Variants in COL11A1 observed in about 807,000 individuals in gnomAD.
The protein encoded by COL11A1 is collagen type XI alpha 1 chain, also known as collagen alpha-1(XI) chain.
COL11A1 carries 74 observed loss-of-function variants against 265.2 expected under a neutral mutation model. That is an observed-to-expected ratio of 0.28 (90% CI 0.23 to 0.34). The LOEUF (loss-of-function observed/expected upper bound fraction) is 0.34. Ranked by LOEUF, COL11A1 falls within the 10% of genes least tolerant of loss-of-function variation. The pLI is 1.00. For synonymous variants in COL11A1, 816 were observed against 727.6 expected (o/e 1.12, Z -1.96); for missense variants, 2,165 against 2,263.6 (o/e 0.96, Z 0.88).
intron 41 of COL11A1, among the ~76,000 whole-genome samples, chr1:102,955,111 A>G (rs921798845): frequency 2.6e-5 from 4 of 152,186 alleles, no homozygotes; most frequent in Non-Finnish European, 4.4e-5. Flanking sequence ...CTGGGTCACA[A>G]TGGAGAAAAT....
chr1:102,946,338 CCA>C (rs954508523), intron 42 of COL11A1, among the ~76,000 whole-genome samples: 5 of 151,550 alleles, frequency 3.3e-5, no homozygotes, highest in South Asian at 2.1e-4. Flanking sequence ...AAACCCCCCC[CCA>C]AAAAATGTTA....
At chr1:102,979,513 A>G (rs933076273) in intron 31 of COL11A1, 78 bp from the exon 32 acceptor site, 5 of 979,600 alleles carry the variant, frequency 5.1e-6, no homozygotes, top group Non-Finnish European at 8.2e-6. Context: ...ATTTTGGAAC[A>G]GAGTGATTTT....
intron 37 of COL11A1, 53 bp downstream of exon 37, chr1:102,970,166 C>T: frequency 7.0e-7 from 1 of 1,422,890 alleles, no homozygotes; most frequent in East Asian, 2.3e-5. Flanking sequence ...TATGTATGAA[C>T]TGATGAGGTG....
At chr1:103,021,620 A>G (rs1190580738) in intron 9 of COL11A1, 87 bp downstream of exon 9, 17 of 882,876 alleles carry the variant, frequency 1.9e-5, no homozygotes, top group Non-Finnish European at 3.1e-5. Flanking sequence ...ATCATTGGTA[A>G]AACACGAACA....
intron 42 of COL11A1, among the ~76,000 whole-genome samples, chr1:102,943,966 G>T (rs1042352164): frequency 1.3e-5 from 2 of 152,044 alleles, no homozygotes; most frequent in African/African-American, 4.8e-5. Flanking sequence ...AATTGGAGAA[G>T]GTTTTAGCCC....
chr1:102,925,455 T>A (rs1052774172), intron 46 of COL11A1, among the ~76,000 whole-genome samples: 1 of 152,120 alleles, frequency 6.6e-6, no homozygotes, highest in African/African-American at 2.4e-5. Flanking sequence ...TATATTCATT[T>A]TTATGAGGAA....
chr1:103,078,447 C>T (rs956274515), intron 3 of COL11A1, among the ~76,000 whole-genome samples: 11 of 152,094 alleles, frequency 7.2e-5, no homozygotes, highest in African/African-American at 2.2e-4. Context: ...TTATTACCAC[C>T]TGCTATACTA....
intron 57 of COL11A1, among the ~76,000 whole-genome samples, chr1:102,896,847 T>G (rs942252531): frequency 1.3e-5 from 2 of 152,094 alleles, no homozygotes; most frequent in African/African-American, 4.8e-5. Flanking sequence ...CTCTGGCAAA[T>G]TTTAGAGTGA....
intron 23 of COL11A1, 24 bp from the exon 24 acceptor site, chr1:103,001,993 T>C (rs1410676483): frequency 1.9e-6 from 3 of 1,588,672 alleles, no homozygotes; most frequent in Non-Finnish European, 2.6e-6. Context: ...ATTTATTTCA[T>C]ATATCAGATA....
In COL11A1 at chr1:103,031,185, C is replaced by T. The variant is rs2101995315; in HGVS notation, c.711G>A (p.Glu237=). 6.2e-7 allele frequency: 1 copy of T among 1,611,716 alleles called. No homozygotes were observed. The highest frequency in any genetic ancestry group is 1.1e-5 in the South Asian group (1 of 91,052). The change falls in exon 5 of 67, where the codon GAG becomes GAA. Residue 237 remains glutamate, a synonymous_variant. Transcript: ENST00000370096. Reference sequence around the variant, plus strand: ...AAGAGTCACAGTCTGGACTATAATGCTCACAGTAGTCATATGCTGCCTTGG... The same window carrying T: ...AAGAGTCACAGTCTGGACTATAATGTTCACAGTAGTCATATGCTGCCTTGG... ...GDPKAAYDYC[E]HYSPDCDSSA... is the part of the protein sequence containing the mutation.
chr1:102,914,818 A>G lies in COL11A1; in HGVS notation c.3817-7T>C. ...CTCTTTCTCCTTTGGGACCCTAAAC[A>G]ATGTTAAAAAAAAAAAAAGAAGAAG... On this transcript the variant is annotated splice_polypyrimidine_tract_variant and splice_region_variant and intron_variant, in intron 50 of 66. Coordinates refer to ENST00000370096, the MANE Select transcript of COL11A1 (RefSeq NM_001854.4). 1 of 1,485,892 alleles carries G rather than the reference A, an allele frequency of 6.7e-7. No homozygotes were observed. 92.0% of individuals were successfully genotyped at this position (1,485,892 alleles called of 1,614,324 possible). A position where few individuals can be genotyped will look rare whatever the true frequency, so the allele number is the denominator to read the frequency against.
chr1:103,082,042 C>T (rs1305438052), intron 2 of COL11A1, among the ~76,000 whole-genome samples: 3 of 151,822 alleles, frequency 2.0e-5, no homozygotes, highest in East Asian at 1.9e-4. Flanking sequence ...ATATGAGGCT[C>T]GAAAATTGTC....
chr1:103,099,948 C>A (rs2102410992), intron 1 of COL11A1, among the ~76,000 whole-genome samples: 1 of 151,892 alleles, frequency 6.6e-6, no homozygotes, highest in East Asian at 1.9e-4. Flanking sequence ...CAAGCTAACT[C>A]AATTTTAATC....
At chr1:102,930,939 TC>T (rs1180440720) in intron 46 of COL11A1, among the ~76,000 whole-genome samples, 1 of 150,660 alleles carries the variant, frequency 6.6e-6, no homozygotes, top group Non-Finnish European at 1.5e-5. Flanking sequence ...GGTGGTGATA[TC>T]CCCTTTATCA....
rs781526132 is a variant in COL11A1, at chr1:102,965,545, G to A, written c.2863-5C>T. 5.6e-6 allele frequency: 9 copies of A among 1,612,684 alleles called. No individual in the cohort carries two copies. In the East Asian group the frequency reaches 1.6e-4, roughly 28 times the overall value. On this transcript the variant is annotated splice_polypyrimidine_tract_variant and splice_region_variant and intron_variant, in intron 37 of 66. Transcript: ENST00000370096. ...GCCGGTCTTGCCTTGAAATCCCTAA[G>A]GAGGCAAAGTATTATTTGTAAAAGC...
At chr1:103,012,504 C>A (rs776754091) in intron 13 of COL11A1, 35 bp from the exon 14 acceptor site, 1 of 1,527,910 alleles carries the variant, frequency 6.5e-7, no homozygotes, top group Non-Finnish European at 9.1e-7. Context: ...CAGTAATATT[C>A]TCCTGGAAGA....
intron 63 of COL11A1, chr1:102,884,551 A>G (rs1650709694): frequency 6.6e-6 from 1 of 152,230 alleles, no homozygotes; most frequent in Non-Finnish European, 1.5e-5. Flanking sequence ...ACTAAGATGC[A>G]AATGGTTGGA....
intron 52 of COL11A1, 99 bp downstream of exon 52, chr1:102,914,253 A>C: frequency 2.3e-6 from 2 of 884,870 alleles, no homozygotes; most frequent in Non-Finnish European, 3.6e-6. Context: ...TGTTTTTGGG[A>C]GTTCACTTAG....
At chr1:102,893,877 T>G (rs1392927846) in intron 57 of COL11A1, among the ~76,000 whole-genome samples, 1 of 152,192 alleles carries the variant, frequency 6.6e-6, no homozygotes, top group Non-Finnish European at 1.5e-5. Flanking sequence ...ACAGATAACT[T>G]AAATGTAGGA....
Sources: gnomAD v4.1 joint callset for allele counts (sites outside exome capture counted in the v4.1 genomes callset) on GRCh38, gnomAD v4.1.1 for gene constraint, MANE v1.5 for transcripts, NCBI Gene and HGNC (gene_info 2026-07-23, HGNC 2026-07-21) for gene names.